Variants in MAGI1 observed in about 807,000 individuals in gnomAD.
MAGI1 encodes the protein membrane-associated guanylate kinase, WW and PDZ domain-containing protein 1.
A neutral mutation model predicts 139.9 loss-of-function variants in MAGI1; 58 were observed. That is an observed-to-expected ratio of 0.41 (90% CI 0.34 to 0.52). The LOEUF is 0.52. MAGI1 is among the 20% of genes least tolerant of loss of function. The pLI is 0.12. For synonymous variants in MAGI1, 812 were observed against 737.9 expected (o/e 1.10, Z -1.63); for missense variants, 1,874 against 1,901.6 (o/e 0.99, Z 0.27).
chr3:65,708,545 T>C (rs929557885), intron 1 of MAGI1, among the ~76,000 whole-genome samples: 1 of 152,138 alleles, frequency 6.6e-6, no homozygotes, highest in African/African-American at 2.4e-5. Context: ...TGCTCAATTA[T>C]TTCTTCTAGT....
At chr3:65,664,355 T>C (rs965022732) in intron 1 of MAGI1, among the ~76,000 whole-genome samples, 2 of 152,170 alleles carry the variant, frequency 1.3e-5, no homozygotes, top group Non-Finnish European at 2.9e-5. Context: ...TAAAGGCTAA[T>C]AGCGCTTATT....
At chr3:65,504,623 T>A (rs192788796) in intron 2 of MAGI1, among the ~76,000 whole-genome samples, 1 of 152,248 alleles carries the variant, frequency 6.6e-6, no homozygotes, top group Admixed American at 6.5e-5. Flanking sequence ...CACCCAGGGT[T>A]GAATAAATCA....
intron 1 of MAGI1, chr3:65,687,734 T>C (rs2088186001): frequency 1.8e-6 from 1 of 544,058 alleles, no homozygotes; most frequent in African/African-American, 1.9e-5. Flanking sequence ...GGGGGAAGCC[T>C]GAGAGCACAG....
intron 1 of MAGI1, among the ~76,000 whole-genome samples, chr3:65,622,657 A>C (rs1421506254): frequency 6.6e-6 from 1 of 152,056 alleles, no homozygotes; most frequent in Admixed American, 6.6e-5. Flanking sequence ...TCCGCCTCAC[A>C]GATTCAAGCG....
At chr3:66,007,218 C>T (rs192902604) in intron 1 of MAGI1, among the ~76,000 whole-genome samples, 166 of 152,222 alleles carry the variant, frequency 1.1e-3, no homozygotes, top group African/African-American at 3.4e-3. Flanking sequence ...GGTCCCATGG[C>T]GCTCAAGAGG....
At chr3:65,459,436 G>A (rs1020337442) in intron 5 of MAGI1, among the ~76,000 whole-genome samples, 1 of 152,124 alleles carries the variant, frequency 6.6e-6, no homozygotes, top group East Asian at 1.9e-4. Context: ...CCATGAACAC[G>A]GAATACAACT....
intron 1 of MAGI1, among the ~76,000 whole-genome samples, chr3:65,991,341 T>TA (rs2066165778): frequency 6.7e-6 from 1 of 148,472 alleles, no homozygotes; most frequent in Non-Finnish European, 1.5e-5. Flanking sequence ...AATGATACTG[T>TA]AATATATGAA....
intron 2 of MAGI1, among the ~76,000 whole-genome samples, chr3:65,592,368 G>A (rs1201280907): frequency 6.6e-6 from 1 of 152,058 alleles, no homozygotes; most frequent in Non-Finnish European, 1.5e-5. Flanking sequence ...GCATGCAAAG[G>A]GGAGTTAATA....
chr3:65,471,081 T>C (rs372759997), intron 4 of MAGI1, among the ~76,000 whole-genome samples: 85 of 152,310 alleles, frequency 5.6e-4, no homozygotes, highest in African/African-American at 2.0e-3. Context: ...TGAGTCAGAT[T>C]GGAACCTCTT....
chr3:65,763,822 G>C (rs2037241203), intron 1 of MAGI1, among the ~76,000 whole-genome samples: 1 of 151,858 alleles, frequency 6.6e-6, no homozygotes, highest in Admixed American at 6.6e-5. Context: ...TGTAATCCCA[G>C]CACTTTGGGA....
intron 1 of MAGI1, among the ~76,000 whole-genome samples, chr3:66,028,329 AGT>A (rs2068407453): frequency 6.6e-6 from 1 of 152,196 alleles, no homozygotes; most frequent in South Asian, 2.1e-4. Flanking sequence ...CAGGCAGGGT[AGT>A]ACAAGTTTTA....
intron 3 of MAGI1, among the ~76,000 whole-genome samples, chr3:65,479,418 G>C (rs1386674148): frequency 6.6e-6 from 1 of 151,758 alleles, no homozygotes; most frequent in Non-Finnish European, 1.5e-5. Flanking sequence ...CACTCTTCCA[G>C]TAGTGGCCCA....
chr3:65,920,713 T>C (rs2062134189), intron 1 of MAGI1, among the ~76,000 whole-genome samples: 1 of 152,190 alleles, frequency 6.6e-6, no homozygotes, highest in South Asian at 2.1e-4. Context: ...GGGTTTTAAT[T>C]TATATGACAA....
chr3:65,483,175 T>C (rs971831196), intron 3 of MAGI1, among the ~76,000 whole-genome samples: 8 of 152,252 alleles, frequency 5.3e-5, no homozygotes, highest in African/African-American at 1.7e-4. Flanking sequence ...CTTTCGGCCC[T>C]GGGCTTTTGG....
intron 2 of MAGI1, among the ~76,000 whole-genome samples, chr3:65,588,872 C>T (rs2081822955): frequency 1.3e-5 from 2 of 152,110 alleles, no homozygotes; most frequent in African/African-American, 4.8e-5. Flanking sequence ...ATTTGATTAT[C>T]GGGTTCCGTA....
intron 1 of MAGI1, among the ~76,000 whole-genome samples, chr3:65,679,941 A>T (rs1353233194): frequency 6.6e-6 from 1 of 152,184 alleles, no homozygotes; most frequent in East Asian, 1.9e-4. Context: ...CTACTGTAGG[A>T]CCAGGATATG....
At chr3:65,591,635 T>C (rs1481491440) in intron 2 of MAGI1, among the ~76,000 whole-genome samples, 1 of 152,160 alleles carries the variant, frequency 6.6e-6, no homozygotes, top group African/African-American at 2.4e-5. Context: ...CTGGGTGGCG[T>C]GGTTGGTTAG....
intron 1 of MAGI1, among the ~76,000 whole-genome samples, chr3:65,696,845 C>T (rs1265647793): frequency 6.6e-6 from 1 of 151,858 alleles, no homozygotes; most frequent in Non-Finnish European, 1.5e-5. Flanking sequence ...CATCAGAAGC[C>T]CAGAACACTT....
At chr3:66,003,645 T>C (rs1441535975) in intron 1 of MAGI1, among the ~76,000 whole-genome samples, 1 of 152,112 alleles carries the variant, frequency 6.6e-6, no homozygotes, top group Non-Finnish European at 1.5e-5. Flanking sequence ...TTTAGTATTC[T>C]GTATTTCAGA....
Sources: allele counts gnomAD v4.1 joint callset (sites outside exome capture counted in the v4.1 genomes callset), GRCh38; gene constraint gnomAD v4.1.1; transcripts MANE v1.5; gene names NCBI Gene and HGNC (gene_info 2026-07-23, HGNC 2026-07-21).